The following PLEKHA3 variants were observed in gnomAD, a reference collection of about 807,000 sequenced individuals.
The protein encoded by PLEKHA3 is pleckstrin homology domain containing A3.
A neutral mutation model predicts 39.2 loss-of-function variants in PLEKHA3; 19 were observed. That is an observed-to-expected ratio of 0.48 (90% CI 0.34 to 0.71). The LOEUF (loss-of-function observed/expected upper bound fraction) is 0.71. Ranked by LOEUF, PLEKHA3 falls within the 30% of genes least tolerant of loss-of-function variation. The pLI is 0.01. For missense variants in PLEKHA3, 253 were observed against 359.5 expected, an observed-to-expected ratio of 0.70 and a Z score of 2.40; for synonymous variants, 97 against 118.6, an observed-to-expected ratio of 0.82 and a Z score of 1.18.
intron 7 of PLEKHA3, 61 bp downstream of exon 7, chr2:178,501,237 T>A: frequency 8.3e-7 from 1 of 1,197,842 alleles, no homozygotes; most frequent in South Asian, 1.3e-5. Flanking sequence ...TGTGGGGCTC[T>A]GTAATTTCTG....
chr2:178,498,839 T>G (rs1489748754), intron 5 of PLEKHA3, among the ~76,000 whole-genome samples: 1 of 152,116 alleles, frequency 6.6e-6, no homozygotes, highest in African/African-American at 2.4e-5. Flanking sequence ...TTAGAATATT[T>G]TGTGGCTTGC....
In PLEKHA3 at chr2:178,504,100, T is replaced by C; in HGVS notation, c.*213T>C. 1 of 393,466 alleles carries C rather than the reference T, an allele frequency of 2.5e-6. No individual in the cohort carries two copies. The highest frequency in any genetic ancestry group is 4.6e-5 in the South Asian group (1 of 21,866). The allele number at this position is 393,466 out of a possible 1,614,324, so 24.4% of individuals were successfully genotyped here. On this transcript the variant is annotated 3_prime_UTR_variant, in exon 8 of 8. Coordinates refer to ENST00000234453, the MANE Select transcript of PLEKHA3 (RefSeq NM_019091.4). ...GAGTATTTTCCTAATAACTTCACAG[T>C]ATGAATGTGCATCTTTTTTTTTTGA... is the stretch of plus-strand genomic sequence containing the variant.
In PLEKHA3 at chr2:178,485,724, G is replaced by A; in HGVS notation, c.124G>A (p.Gly42Arg). ...AGATGATGTTTGCAAAGGGAGCAAA[G>A]GAAGCATAAAGATGGCAGTTTGTGA... ...SQDDVCKGSKGSIKMAVCEIK... is the reference protein window; with the variant it reads ...SQDDVCKGSKRSIKMAVCEIK... Residue 42 changes from glycine (G) to arginine (R), a missense_variant, in exon 2 of 8, where the codon GGA (glycine) becomes AGA (arginine). Coordinates refer to ENST00000234453, the MANE Select transcript of PLEKHA3 (RefSeq NM_019091.4). 6.2e-7 allele frequency: 1 copy of A among 1,613,530 alleles called. No homozygotes were observed. The highest frequency in any genetic ancestry group is 8.5e-7 in the Non-Finnish European group (1 of 1,179,596).
intron 2 of PLEKHA3, among the ~76,000 whole-genome samples, chr2:178,490,211 T>A (rs1423175683): frequency 6.6e-6 from 1 of 152,210 alleles, no homozygotes; most frequent in Non-Finnish European, 1.5e-5. Context: ...TATCATAGAG[T>A]TACTTTTCTG....
At chr2:178,489,643 C>T (rs1480899244) in intron 2 of PLEKHA3, among the ~76,000 whole-genome samples, 4 of 151,610 alleles carry the variant, frequency 2.6e-5, no homozygotes, top group East Asian at 1.9e-4. Flanking sequence ...ACTGGCTAAA[C>T]GAGTATGAAT....
In PLEKHA3 at chr2:178,513,846, T is replaced by G. The variant is rs1440098457; in HGVS notation, c.*9959T>G. On this transcript the variant is annotated 3_prime_UTR_variant, in exon 8 of 8. Transcript: ENST00000234453. Reference sequence around the variant, plus strand: ...GATAATATATACATGTCCATGTAATTAAAAGTCTTCATTTGACAAATTTAT... The same window carrying G: ...GATAATATATACATGTCCATGTAATGAAAAGTCTTCATTTGACAAATTTAT... 6.6e-6 allele frequency: 1 copy of G among 152,154 alleles called. No homozygotes were observed. Among genetic ancestry groups the G allele is most frequent in the Non-Finnish European group, 1.5e-5 (1 of 68,010 alleles). The allele number at this position is 152,154 out of a possible 1,614,324, so 9.4% of individuals were successfully genotyped here. A position where few individuals can be genotyped will look rare whatever the true frequency, so the allele number is the denominator to read the frequency against.
rs549498739 is a variant in PLEKHA3 at position 178,502,824 on chromosome 2, A to G, written c.776-936A>G. 5.3e-5 allele frequency among the ~76,000 whole-genome samples: 8 copies of G among 151,610 alleles called. No homozygotes were observed. In the South Asian group the frequency reaches 6.2e-4, roughly 12 times the overall value. ...CACACACACGCACGCACACACACAC[A>G]CGCGCATACATATAGTTCACTTCTC... On this transcript the variant is annotated intron_variant, in intron 7 of 7. Transcript: ENST00000234453.
rs1412654206 is a variant in PLEKHA3, at chr2:178,499,257, A to G, written c.659+3A>G. 4 of 1,611,066 alleles carry G rather than the reference A, an allele frequency of 2.5e-6. No individual in the cohort carries two copies. The highest frequency in any genetic ancestry group is 2.5e-6 in the Non-Finnish European group (3 of 1,178,898). ...CCTGGTTCTTGCAGTTCAGAGAGGT[A>G]AAAGAACCTTTTCTTCTGACTAAGT... On this transcript the variant is annotated splice_donor_region_variant and intron_variant, in intron 6 of 7. Transcript: ENST00000234453.
chr2:178,503,635 A>G, intron 7 of PLEKHA3, 125 bp from the exon 8 acceptor site: 1 of 1,006,900 alleles, frequency 9.9e-7, no homozygotes, highest in Non-Finnish European at 1.4e-6. Flanking sequence ...AAACAAGGAA[A>G]TACAAAATTA....
In PLEKHA3 at chr2:178,504,111, A is replaced by C; in HGVS notation, c.*224A>C. On this transcript the variant is annotated 3_prime_UTR_variant, in exon 8 of 8. Coordinates refer to ENST00000234453, the MANE Select transcript of PLEKHA3 (RefSeq NM_019091.4). Reference sequence around the variant, plus strand: ...TAATAACTTCACAGTATGAATGTGCATCTTTTTTTTTTGAACAAATGATGG... The same window carrying C: ...TAATAACTTCACAGTATGAATGTGCCTCTTTTTTTTTTGAACAAATGATGG... The C allele has an allele frequency of 2.8e-6, 1 of 355,472 alleles. No homozygotes were observed. Among genetic ancestry groups the C allele is most frequent in the East Asian group, 4.6e-5 (1 of 21,952 alleles). The allele number at this position is 355,472 out of a possible 1,614,324, so 22.0% of individuals were successfully genotyped here.
At chr2:178,485,502 G>C in intron 1 of PLEKHA3, 139 bp from the exon 2 acceptor site, 2 of 665,392 alleles carry the variant, frequency 3.0e-6, no homozygotes, top group Non-Finnish European at 5.4e-6. Context: ...GGTAAGGCTT[G>C]GTGATTGAAA....
chr2:178,485,483 A>G (rs879025493), intron 1 of PLEKHA3, among the ~76,000 whole-genome samples, 158 bp from the exon 2 acceptor site: 2 of 152,210 alleles, frequency 1.3e-5, no homozygotes, highest in South Asian at 2.1e-4. Flanking sequence ...CTGATGCAAA[A>G]ACATTTTTGG....
intron 1 of PLEKHA3, 68 bp downstream of exon 1, chr2:178,480,977 T>G (rs1417779275): frequency 1.7e-5 from 21 of 1,271,006 alleles, no homozygotes; most frequent in Non-Finnish European, 2.1e-5. Flanking sequence ...GGGTCGGGGC[T>G]CCTCTTCCTC....
intron 4 of PLEKHA3, among the ~76,000 whole-genome samples, chr2:178,494,437 G>T (rs928358782): frequency 2.0e-5 from 3 of 152,204 alleles, no homozygotes; most frequent in African/African-American, 7.2e-5. Flanking sequence ...CAGATTAGTA[G>T]GATCGGGCTA....
chr2:178,489,762 C>T (rs542708721), intron 2 of PLEKHA3, among the ~76,000 whole-genome samples: 2 of 152,230 alleles, frequency 1.3e-5, no homozygotes, highest in Admixed American at 1.3e-4. Flanking sequence ...ATTTTCTTAA[C>T]CAAATCCCGC....
In PLEKHA3 at chr2:178,506,750, GTA is replaced by G. The variant is rs1384809641; in HGVS notation, c.*2864_*2865del. The stretch of plus-strand genomic sequence containing the variant: ...GTCTGTACTTTGAGCCTTGATCTGG[GTA>G]CTTGGTACAGAGGGAGTGTCCTGGC... On this transcript the variant is annotated 3_prime_UTR_variant, in exon 8 of 8. Transcript: ENST00000234453. 1 of 152,128 alleles carries G rather than the reference GTA, an allele frequency of 6.6e-6. No individual in the cohort carries two copies. The highest frequency in any genetic ancestry group is 2.4e-5 in the African/African-American group (1 of 41,418). 9.4% of individuals were successfully genotyped at this position (152,128 alleles called of 1,614,324 possible). A position where few individuals can be genotyped will look rare whatever the true frequency, so the allele number is the denominator to read the frequency against.
In PLEKHA3 at chr2:178,490,665, C is replaced by T. The variant is rs1229114089; in HGVS notation, c.164C>T (p.Ser55Leu). The change falls in exon 3 of 8, where the codon TCA (serine) becomes TTA (leucine). Residue 55 changes from serine (S) to leucine (L), a missense_variant. By Grantham distance (145) the Ser-to-Leu change is moderately radical. Coordinates refer to ENST00000234453, the MANE Select transcript of PLEKHA3 (RefSeq NM_019091.4). Reference sequence around the variant, plus strand: ...CCTTTGTTTATCATCATAGTTCATTCAGCAGACAACACAAGAATGGAATTA... The same window carrying T: ...CCTTTGTTTATCATCATAGTTCATTTAGCAGACAACACAAGAATGGAATTA... ...KMAVCEIKVHSADNTRMELII... is the reference protein window; with the variant it reads ...KMAVCEIKVHLADNTRMELII... 16 of 1,612,782 alleles carry T rather than the reference C, an allele frequency of 9.9e-6. No individual in the cohort carries two copies. The highest frequency in any genetic ancestry group is 1.4e-5 in the Non-Finnish European group (16 of 1,179,232).
Position 178,480,753 on chromosome 2 carries a change from T to C in PLEKHA3, c.-117T>C, listed in dbSNP as rs990702705. The C allele has an allele frequency of 5.6e-6, 5 of 896,128 alleles. No homozygotes were observed. Among genetic ancestry groups the C allele is most frequent in the Non-Finnish European group, 7.4e-6 (5 of 673,596 alleles). 55.5% of individuals were successfully genotyped at this position (896,128 alleles called of 1,614,324 possible). A position where few individuals can be genotyped will look rare whatever the true frequency, so the allele number is the denominator to read the frequency against. ...GCGGCGCGCGCAGGCAGAAAGCGGC[T>C]TCGTGCCGGCGGAGGGGGCCCGGGC... On this transcript the variant is annotated 5_prime_UTR_variant, in exon 1 of 8. Coordinates refer to ENST00000234453, the MANE Select transcript of PLEKHA3 (RefSeq NM_019091.4).
rs1685643047 is a variant in PLEKHA3 at position 178,508,911 on chromosome 2, CA to C, written c.*5025del. 2 of 153,752 alleles carry C rather than the reference CA, an allele frequency of 1.3e-5. No homozygotes were observed. The highest frequency in any genetic ancestry group is 2.9e-5 in the Non-Finnish European group (2 of 68,092). The allele number at this position is 153,752 out of a possible 1,614,324, so 9.5% of individuals were successfully genotyped here. ...ACCTGGGTTCCAGTTGCTCTTTATA[CA>C]GACTTCTAGTCCTGATTTCAGCCCT... is the stretch of plus-strand genomic sequence containing the variant. On this transcript the variant is annotated 3_prime_UTR_variant, in exon 8 of 8. Coordinates refer to ENST00000234453, the MANE Select transcript of PLEKHA3 (RefSeq NM_019091.4).
Sources: allele counts gnomAD v4.1 joint callset (sites outside exome capture counted in the v4.1 genomes callset), GRCh38; gene constraint gnomAD v4.1.1; transcripts MANE v1.5; gene names NCBI Gene and HGNC (gene_info 2026-07-23, HGNC 2026-07-21).